The following PDE4D variants were observed in gnomAD, a reference collection of about 807,000 sequenced individuals.
The protein encoded by PDE4D is phosphodiesterase 4D, also known as 3',5'-cyclic-AMP phosphodiesterase 4D.
Under a neutral mutation model 87.4 loss-of-function variants are expected in PDE4D, and 24 were observed. That is an observed-to-expected ratio of 0.27 (90% confidence interval 0.20 to 0.39). The LOEUF is 0.39. PDE4D is among the 10% of genes least tolerant of loss of function. PDE4D has a pLI of 1.00. For missense variants in PDE4D, 714 were observed against 1,041.0 expected, an observed-to-expected ratio of 0.69 and a Z score of 4.32; for synonymous variants, 384 against 383.2, an observed-to-expected ratio of 1.00 and a Z score of -0.02.
At chr5:59,292,857 G>C (rs1201151389) in intron 1 of PDE4D, among the ~76,000 whole-genome samples, 1 of 152,080 alleles carries the variant, frequency 6.6e-6, no homozygotes, top group East Asian at 1.9e-4. Flanking sequence ...GGAAAGAAAG[G>C]GAATTCTGGT....
intron 2 of PDE4D, among the ~76,000 whole-genome samples, chr5:60,046,714 G>A (rs374418887): frequency 1.3e-5 from 2 of 151,128 alleles, no homozygotes; most frequent in Admixed American, 1.3e-4. Context: ...CCAGGGATGA[G>A]GCCCACTTGA....
At chr5:60,046,592 G>A (rs1265740245) in intron 2 of PDE4D, among the ~76,000 whole-genome samples, 1 of 152,104 alleles carries the variant, frequency 6.6e-6, no homozygotes, top group Non-Finnish European at 1.5e-5. Flanking sequence ...GTTGAATTTT[G>A]TCAAAGGCCT....
At chr5:60,268,911 T>C (rs990797242) in intron 1 of PDE4D, among the ~76,000 whole-genome samples, 3 of 152,174 alleles carry the variant, frequency 2.0e-5, no homozygotes, top group Non-Finnish European at 2.9e-5. Flanking sequence ...ATAAAAACAA[T>C]GCAATTTATT....
intron 1 of PDE4D, among the ~76,000 whole-genome samples, chr5:59,341,860 T>C (rs1778792510): frequency 6.6e-6 from 1 of 152,206 alleles, no homozygotes; most frequent in African/African-American, 2.4e-5. Context: ...GTATAGCCTA[T>C]TCTTGTGAAT....
At chr5:59,240,801 CACACACAT>C (rs1187495788) in intron 1 of PDE4D, among the ~76,000 whole-genome samples, 23 of 83,358 alleles carry the variant, frequency 2.8e-4, no homozygotes, top group South Asian at 9.0e-4. Context: ...CACACACACA[CACACACAT>C]CCCTTTTGGA....
At chr5:59,140,309 T>G (rs28385324) in intron 5 of PDE4D, among the ~76,000 whole-genome samples, 96,129 of 152,014 alleles carry the variant, frequency 0.63, 30,647 homozygotes, top group Non-Finnish European at 0.67. Flanking sequence ...TGATGCCTGG[T>G]CTAAGAGCTT....
chr5:59,784,132 G>A (rs1264306046), intron 1 of PDE4D, among the ~76,000 whole-genome samples: 4 of 151,990 alleles, frequency 2.6e-5, no homozygotes, highest in Non-Finnish European at 4.4e-5. Flanking sequence ...CTGTGTAAGA[G>A]AGAAGTCACT....
At chr5:59,296,058 T>C (rs949074645) in intron 1 of PDE4D, among the ~76,000 whole-genome samples, 1 of 151,738 alleles carries the variant, frequency 6.6e-6, no homozygotes, top group Admixed American at 6.6e-5. Context: ...CTTTCAATCG[T>C]GATGCTAATT....
chr5:60,337,382 T>TACACACACACACACACACAC (rs1184568544), intron 1 of PDE4D, among the ~76,000 whole-genome samples: 1 of 116,536 alleles, frequency 8.6e-6, no homozygotes, highest in African/African-American at 3.9e-5. Flanking sequence ...TATATATATA[T>TACACACACACACACACACAC]ATATATACAC....
At chr5:60,229,650 C>T (rs553916829) in intron 1 of PDE4D, among the ~76,000 whole-genome samples, 2 of 152,210 alleles carry the variant, frequency 1.3e-5, no homozygotes, top group South Asian at 4.1e-4. Context: ...GACAGGTCTC[C>T]TTCAACAGTT....
intron 6 of PDE4D, among the ~76,000 whole-genome samples, chr5:59,036,695 T>A (rs1263630163): frequency 1.3e-5 from 2 of 152,200 alleles, no homozygotes; most frequent in African/African-American, 4.8e-5. Flanking sequence ...TAGCACTGAT[T>A]TAGAAATAAA....
intron 1 of PDE4D, among the ~76,000 whole-genome samples, chr5:59,373,696 ACTT>A (rs1441781775): frequency 6.6e-6 from 1 of 152,200 alleles, no homozygotes. Flanking sequence ...CTGGTAAGGT[ACTT>A]CACAAGAAGG....
At chr5:59,115,759 C>A (rs1423181770) in intron 5 of PDE4D, among the ~76,000 whole-genome samples, 1 of 152,110 alleles carries the variant, frequency 6.6e-6, no homozygotes, top group Non-Finnish European at 1.5e-5. Context: ...TCATGCTTAT[C>A]AACACATAAT....
chr5:59,545,082 C>T (rs180680628), intron 1 of PDE4D, among the ~76,000 whole-genome samples: 2 of 152,262 alleles, frequency 1.3e-5, no homozygotes, highest in East Asian at 1.9e-4. Flanking sequence ...GGTAAAGAGA[C>T]CAGCCAAAAT....
intron 1 of PDE4D, among the ~76,000 whole-genome samples, chr5:59,626,111 A>T (rs551898731): frequency 5.3e-5 from 8 of 152,180 alleles, no homozygotes; most frequent in East Asian, 1.9e-4. Context: ...AAAACAAAAT[A>T]AAAAAAACCA....
chr5:59,687,213 T>C (rs1051908068), intron 1 of PDE4D, among the ~76,000 whole-genome samples: 1 of 151,984 alleles, frequency 6.6e-6, no homozygotes, highest in Non-Finnish European at 1.5e-5. Context: ...AAAAGAAAAT[T>C]ACCCTCTAGT....
At chr5:60,301,177 G>C (rs993524531) in intron 1 of PDE4D, among the ~76,000 whole-genome samples, 5 of 152,144 alleles carry the variant, frequency 3.3e-5, no homozygotes, top group African/African-American at 1.2e-4. Context: ...TTTTTGCTTA[G>C]GCTTGTCTTG....
rs1420646875 is a variant in PDE4D at position 60,389,049 on chromosome 5, T to TGATATAGAATATCATATA, written c.-90+98875_-90+98892dup. ...CCACATTTTGCCATCCAAGAAATTA[T>TGATATAGAATATCATATA]GATATAGAATATCATATAGATATAG... On this transcript the variant is annotated intron_variant, in intron 1 of 16. Transcript: ENST00000502484. 5.3e-5 allele frequency among the ~76,000 whole-genome samples: 8 copies of TGATATAGAATATCATATA among 152,294 alleles called. No individual in the cohort carries two copies. The East Asian group carries it at 1.3e-3, about 26-fold the overall frequency.
intron 1 of PDE4D, among the ~76,000 whole-genome samples, chr5:60,391,850 T>C (rs1043211067): frequency 3.9e-5 from 6 of 152,198 alleles, no homozygotes; most frequent in Non-Finnish European, 5.9e-5. Context: ...TAAGAAGTGA[T>C]AAGGCCTCTC....
Sources: allele counts gnomAD v4.1 joint callset (sites outside exome capture counted in the v4.1 genomes callset), GRCh38; gene constraint gnomAD v4.1.1; transcripts MANE v1.5; gene names NCBI Gene and HGNC (gene_info 2026-07-23, HGNC 2026-07-21).